Variants in KCNIP1 observed in about 807,000 individuals in gnomAD.
The protein encoded by KCNIP1 is A-type potassium channel modulatory protein KCNIP1.
KCNIP1 carries 18 observed loss-of-function variants against 33.0 expected under a neutral mutation model. The observed-to-expected ratio is 0.55, with a 90% confidence interval of 0.38 to 0.81. The LOEUF is 0.81. Among genes scored for constraint, KCNIP1 ranks in the 30% least tolerant of loss-of-function variants. The pLI is 0.00. For synonymous variants in KCNIP1, 93 were observed against 98.3 expected, an observed-to-expected ratio of 0.95 and a Z score of 0.32; for missense variants, 238 against 271.6, an observed-to-expected ratio of 0.88 and a Z score of 0.87.
chr5:170,514,891 C>G (rs1209732656), intron 1 of KCNIP1, among the ~76,000 whole-genome samples: 3 of 152,228 alleles, frequency 2.0e-5, no homozygotes, highest in Admixed American at 1.3e-4. Context: ...ATATAGCAAT[C>G]TGTGCCAAGT....
chr5:170,449,659 A>C (rs1040317700), intron 1 of KCNIP1, among the ~76,000 whole-genome samples: 4 of 152,238 alleles, frequency 2.6e-5, no homozygotes, highest in African/African-American at 4.8e-5. Context: ...AATCCACATA[A>C]GGAACTTAGA....
At chr5:170,444,699 TAAA>T (rs111942720) in intron 1 of KCNIP1, among the ~76,000 whole-genome samples, 7 of 146,260 alleles carry the variant, frequency 4.8e-5, no homozygotes, top group African/African-American at 1.5e-4. Context: ...TTTCTTTTTT[TAAA>T]AAAAAAAAAA....
intron 1 of KCNIP1, among the ~76,000 whole-genome samples, chr5:170,465,515 T>C (rs1274524522): frequency 6.6e-6 from 1 of 152,178 alleles, no homozygotes; most frequent in African/African-American, 2.4e-5. Flanking sequence ...GAGCACCTAC[T>C]ATGTACCAAG....
chr5:170,360,186 C>A (rs974036149), intron 1 of KCNIP1, among the ~76,000 whole-genome samples: 11 of 152,292 alleles, frequency 7.2e-5, no homozygotes, highest in Non-Finnish European at 8.8e-5. Context: ...TACAGAATCT[C>A]CCCTGGGCCA....
chr5:170,508,888 G>A (rs550623332), intron 1 of KCNIP1, among the ~76,000 whole-genome samples: 1 of 152,226 alleles, frequency 6.6e-6, no homozygotes, highest in African/African-American at 2.4e-5. Context: ...CTTGGAATTA[G>A]ACAATCAACG....
rs1756255311 is a variant in KCNIP1, at chr5:170,451,723, T to TGTGTGTGTGTGTGTGTGTGTG, written c.88+97759_88+97760insGTGTGTGTGTGTGTGTGTGTG. ...GACAGTTGCTTCAGCTTCTCCTGCA[T>TGTGTGTGTGTGTGTGTGTGTG]TGTGTGTGTGTGTGTGTGTGTGTGT... On this transcript the variant is annotated intron_variant, in intron 1 of 7. Coordinates refer to the KCNIP1 transcript ENST00000377360. Among the ~76,000 whole-genome samples the TGTGTGTGTGTGTGTGTGTGTG allele has an allele frequency of 6.0e-4, 74 of 122,974 alleles. 1 individual carries two copies. The highest frequency in any genetic ancestry group is 1.8e-3 in the African/African-American group (57 of 31,112). The allele number at this position is 122,974 out of a possible 152,430, so 80.7% of individuals were successfully genotyped here.
At chr5:170,722,909 G>A in intron 5 of KCNIP1, 89 bp downstream of exon 5, 3 of 778,732 alleles carry the variant, frequency 3.9e-6, no homozygotes, top group East Asian at 5.3e-5. Context: ...GGATAGCACT[G>A]TCTGAATGAG....
chr5:170,540,423 A>G (rs1008292638), intron 1 of KCNIP1, among the ~76,000 whole-genome samples: 2 of 152,208 alleles, frequency 1.3e-5, no homozygotes, highest in Admixed American at 6.5e-5. Flanking sequence ...GAGCCTCGTG[A>G]TGAGTTATTG....
upstream of KCNIP1, among the ~76,000 whole-genome samples, chr5:170,499,660 C>T (rs1406184444): frequency 1.3e-5 from 2 of 152,044 alleles, no homozygotes; most frequent in Admixed American, 1.3e-4. Context: ...AGAAACATGG[C>T]TAAGGGAGCA....
At chr5:170,630,285 TA>T (rs1760006543) in intron 1 of KCNIP1, among the ~76,000 whole-genome samples, 1 of 152,214 alleles carries the variant, frequency 6.6e-6, no homozygotes, top group Non-Finnish European at 1.5e-5. Context: ...ATGGATGCAT[TA>T]GGCAGCCAAG....
intron 1 of KCNIP1, among the ~76,000 whole-genome samples, chr5:170,496,309 C>T (rs1020360780): frequency 5.3e-5 from 8 of 152,188 alleles, no homozygotes; most frequent in African/African-American, 1.9e-4. Context: ...CTGCTGCCTC[C>T]CTAGAGAAAC....
intron 1 of KCNIP1, among the ~76,000 whole-genome samples, chr5:170,654,186 C>T (rs573590617): frequency 2.6e-5 from 4 of 152,268 alleles, no homozygotes; most frequent in South Asian, 2.1e-4. Flanking sequence ...TCCCTGCAAC[C>T]GCTATGAGCT....
chr5:170,442,220 C>A (rs962186005), intron 1 of KCNIP1, among the ~76,000 whole-genome samples: 1 of 152,146 alleles, frequency 6.6e-6, no homozygotes, highest in African/African-American at 2.4e-5. Flanking sequence ...TGCAAAGACC[C>A]CAGGGGCCGA....
Sources: gnomAD v4.1 joint callset for allele counts (sites outside exome capture counted in the v4.1 genomes callset) on GRCh38, gnomAD v4.1.1 for gene constraint, MANE v1.5 for transcripts, NCBI Gene and HGNC (gene_info 2026-07-23, HGNC 2026-07-21) for gene names.